SLCO4C1: variants seen among roughly 807,000 people sequenced by gnomAD.
SLCO4C1 encodes the protein solute carrier organic anion transporter family member 4C1, also known as organic anion transporter M1.
SLCO4C1 carries 58 observed loss-of-function variants against 72.1 expected under a neutral mutation model. That is an observed-to-expected ratio of 0.80 (90% CI 0.65 to 1.00). The LOEUF (loss-of-function observed/expected upper bound fraction) is 1.00. Among genes scored for constraint, SLCO4C1 ranks in the 50% least tolerant of loss-of-function variants. The pLI is 0.00. For synonymous variants in SLCO4C1, 297 were observed against 312.5 expected (o/e 0.95, Z 0.52); for missense variants, 898 against 857.9 (o/e 1.05, Z -0.58).
At chr5:102,242,035 G>A (rs1201833529) in intron 10 of SLCO4C1, among the ~76,000 whole-genome samples, 2 of 152,164 alleles carry the variant, frequency 1.3e-5, no homozygotes, top group South Asian at 2.1e-4. Context: ...CTCTTGGGGT[G>A]GGGAGGGAGA....
intron 2 of SLCO4C1, among the ~76,000 whole-genome samples, chr5:102,278,877 C>T (rs1749303101): frequency 6.6e-6 from 1 of 151,194 alleles, no homozygotes. Flanking sequence ...CACTAAAATG[C>T]ATACATTAGA....
At chr5:102,267,904 A>G (rs1457442460) in intron 3 of SLCO4C1, among the ~76,000 whole-genome samples, 2 of 151,986 alleles carry the variant, frequency 1.3e-5, no homozygotes, top group Non-Finnish European at 2.9e-5. Flanking sequence ...ATAGTTCCAG[A>G]AGTTCCTCAT....
intron 4 of SLCO4C1, among the ~76,000 whole-genome samples, chr5:102,262,288 T>C (rs1748958073): frequency 6.6e-6 from 1 of 152,174 alleles, no homozygotes; most frequent in Non-Finnish European, 1.5e-5. Flanking sequence ...ATAGTAAATA[T>C]GACAAATATT....
At chr5:102,266,513 G>T (rs1023448111) in intron 3 of SLCO4C1, among the ~76,000 whole-genome samples, 13 of 152,066 alleles carry the variant, frequency 8.5e-5, no homozygotes, top group Non-Finnish European at 1.9e-4. Flanking sequence ...AGCCAGGTGT[G>T]GTGGCAGGTG....
intron 8 of SLCO4C1, among the ~76,000 whole-genome samples, chr5:102,254,637 T>G (rs1157950170): frequency 2.0e-5 from 3 of 152,180 alleles, no homozygotes; most frequent in East Asian, 3.9e-4. Flanking sequence ...CAAGACTCTC[T>G]ACCAGCAAAA....
chr5:102,262,904 C>A (rs74695831), intron 4 of SLCO4C1, among the ~76,000 whole-genome samples: 1 of 152,168 alleles, frequency 6.6e-6, no homozygotes, highest in Non-Finnish European at 1.5e-5. Flanking sequence ...ATACCTATGA[C>A]CACATTTTTA....
At position 102,240,757 on chromosome 5, in the gene SLCO4C1, G is replaced by C; in HGVS notation, c.1837C>G (p.Leu613Val). The C allele has an allele frequency of 6.2e-7, 1 of 1,611,768 alleles. No homozygotes were observed. Among genetic ancestry groups the C allele is most frequent in the Non-Finnish European group, 8.5e-7 (1 of 1,178,606 alleles). Residue 613 changes from leucine (L) to valine (V), a missense_variant, in exon 11 of 13, where the codon CTA (leucine) becomes GTA (valine). By Grantham distance (32) the Leu-to-Val change is conservative. Transcript: ENST00000310954. ...ACCATAAATTGTATTCCCAAGGCTA[G>C]GGACCGTTGTCTGTGATTAACACAC... ...LRCVNHRQRS[L>V]ALGIQFMVLR...
At position 102,263,725 on chromosome 5, in the gene SLCO4C1, TC is replaced by T; in HGVS notation, c.857del (p.Gly286AspfsTer4). On this transcript the variant is annotated frameshift_variant, in exon 4 of 13. Coordinates refer to ENST00000310954, the MANE Select transcript of SLCO4C1 (RefSeq NM_180991.5). LOFTEE classifies it high-confidence loss of function. ...LGPAIGYVLG[G>X]QLLTIYIDVA... ...CATCAATGTATATGGTTAGCAGTTG[TC>T]CTCCCAATACATAGCCAATAGCAGG... is the stretch of plus-strand genomic sequence containing the variant. The T allele has an allele frequency of 6.2e-7, 1 of 1,612,960 alleles. No individual in the cohort carries two copies. The highest frequency in any genetic ancestry group is 8.5e-7 in the Non-Finnish European group (1 of 1,179,282).
intron 2 of SLCO4C1, among the ~76,000 whole-genome samples, chr5:102,290,389 T>C (rs906862451): frequency 9.2e-5 from 14 of 152,330 alleles, no homozygotes; most frequent in African/African-American, 3.4e-4. Flanking sequence ...CAAACAGAAC[T>C]CACTGACCCC....
intron 3 of SLCO4C1, among the ~76,000 whole-genome samples, chr5:102,265,789 T>C (rs1402114834): frequency 6.6e-6 from 1 of 152,178 alleles, no homozygotes; most frequent in Non-Finnish European, 1.5e-5. Flanking sequence ...TTTTGGCTAT[T>C]TGGCATCTTT....
chr5:102,283,460 A>C (rs943277202), intron 2 of SLCO4C1, among the ~76,000 whole-genome samples: 4 of 152,070 alleles, frequency 2.6e-5, no homozygotes, highest in African/African-American at 7.2e-5. Context: ...ATAGCATTAA[A>C]ATGAAACAGA....
chr5:102,267,388 C>T (rs1470888923), intron 3 of SLCO4C1, among the ~76,000 whole-genome samples: 1 of 152,024 alleles, frequency 6.6e-6, no homozygotes, highest in African/African-American at 2.4e-5. Context: ...TCCATTTTCT[C>T]CAGGTTTTTC....
At chr5:102,287,773 T>A (rs1281515736) in intron 2 of SLCO4C1, among the ~76,000 whole-genome samples, 1 of 151,810 alleles carries the variant, frequency 6.6e-6, no homozygotes, top group Non-Finnish European at 1.5e-5. Context: ...CCAGGCTGGT[T>A]TCGAACTCCT....
intron 2 of SLCO4C1, among the ~76,000 whole-genome samples, chr5:102,280,569 T>C (rs181656841): frequency 6.6e-6 from 1 of 152,234 alleles, no homozygotes; most frequent in Admixed American, 6.5e-5. Context: ...ATACAGGTTG[T>C]ATTAGTTCAT....
intron 2 of SLCO4C1, among the ~76,000 whole-genome samples, chr5:102,275,179 G>C (rs1749226318): frequency 2.0e-5 from 3 of 151,884 alleles, no homozygotes; most frequent in Non-Finnish European, 4.4e-5. Context: ...ATCAAATCCT[G>C]ACAGAAAAAA....
chr5:102,250,481 A>T (rs926441476), intron 8 of SLCO4C1, among the ~76,000 whole-genome samples: 6 of 152,188 alleles, frequency 3.9e-5, no homozygotes, highest in African/African-American at 1.4e-4. Context: ...TATGCTGGGT[A>T]ACGGGAATAC....
intron 2 of SLCO4C1, among the ~76,000 whole-genome samples, chr5:102,275,802 A>T (rs1200380483): frequency 1.3e-5 from 2 of 152,188 alleles, no homozygotes; most frequent in African/African-American, 2.4e-5. Context: ...ATCATCTATC[A>T]TATATTCAAG....
intron 10 of SLCO4C1, among the ~76,000 whole-genome samples, chr5:102,244,554 A>C (rs1026702122): frequency 2.0e-5 from 3 of 152,162 alleles, no homozygotes; most frequent in Non-Finnish European, 4.4e-5. Context: ...TAGAAGACTA[A>C]GCAGATTTAA....
intron 3 of SLCO4C1, among the ~76,000 whole-genome samples, chr5:102,269,553 A>G (rs1388928978): frequency 6.6e-6 from 1 of 152,026 alleles, no homozygotes; most frequent in South Asian, 2.1e-4. Context: ...AATGACATCT[A>G]TCTCTCTTGA....
Sources: gnomAD v4.1 joint callset for allele counts (sites outside exome capture counted in the v4.1 genomes callset) on GRCh38, gnomAD v4.1.1 for gene constraint, MANE v1.5 for transcripts, NCBI Gene and HGNC (gene_info 2026-07-23, HGNC 2026-07-21) for gene names.